The following AHI1 variants were observed in gnomAD, a reference collection of about 807,000 sequenced individuals.
AHI1 encodes the protein Abelson helper integration site 1.
AHI1 carries 123 observed loss-of-function variants against 149.3 expected under a neutral mutation model. The observed-to-expected ratio is 0.82, with a 90% CI of 0.71 to 0.96. The LOEUF is 0.96. AHI1 is among the 40% of genes least tolerant of loss of function. The probability of loss-of-function intolerance (pLI) is 0.00; values close to 1 mark genes in which losing one functional copy is unlikely to be tolerated. For missense variants in AHI1, 1,439 were observed against 1,422.7 expected (o/e 1.01, Z -0.18); for synonymous variants, 475 against 459.8 (o/e 1.03, Z -0.42).
At position 135,431,216 on chromosome 6, in the gene AHI1, T is replaced by C; in HGVS notation, c.2365A>G (p.Ile789Val). Residue 789 changes from isoleucine to valine, a missense_variant, in exon 17 of 29, where the codon ATA becomes GTA. Coordinates refer to ENST00000265602, the MANE Select transcript of AHI1 (RefSeq NM_001134831.2). ...DLEHSVHHWT[I>V]NKEIKETEFK... is the part of the protein sequence containing the mutation. The stretch of plus-strand genomic sequence containing the variant: ...AAAATATGATTTTATACCTTATTTA[T>C]AGTCCAGTGGTGCACTGAATGTTCC... The C allele has an allele frequency of 1.3e-6, 2 of 1,580,996 alleles. No homozygotes were observed. Among genetic ancestry groups the C allele is most frequent in the Non-Finnish European group, 1.7e-6 (2 of 1,157,652 alleles).
intron 27 of AHI1, among the ~76,000 whole-genome samples, chr6:135,298,879 A>C (rs541317281): frequency 1.3e-5 from 2 of 152,102 alleles, no homozygotes; most frequent in Non-Finnish European, 2.9e-5. Flanking sequence ...TATGTAGGAG[A>C]CATTTTTTCA....
At chr6:135,425,901 T>C (rs1247619033) in intron 20 of AHI1, among the ~76,000 whole-genome samples, 1 of 151,862 alleles carries the variant, frequency 6.6e-6, no homozygotes, top group African/African-American at 2.4e-5. Context: ...TGTGTATGTG[T>C]AGTGAAAATT....
chr6:135,343,862 A>T (rs2128415673), intron 24 of AHI1, among the ~76,000 whole-genome samples: 1 of 152,160 alleles, frequency 6.6e-6, no homozygotes, highest in South Asian at 2.1e-4. Context: ...ATAACATCAT[A>T]GGTATAAGTG....
intron 13 of AHI1, among the ~76,000 whole-genome samples, chr6:135,443,236 T>G (rs1454146468): frequency 6.6e-6 from 1 of 152,174 alleles, no homozygotes; most frequent in Admixed American, 6.5e-5. Context: ...CCCTTATTGG[T>G]CTCTCATTCA....
intron 24 of AHI1, among the ~76,000 whole-genome samples, chr6:135,345,233 G>A (rs757473536): frequency 3.3e-5 from 5 of 152,196 alleles, no homozygotes; most frequent in Non-Finnish European, 7.4e-5. Context: ...TGATCGTAAA[G>A]TGGTTCAGTT....
chr6:135,470,722 G>A (rs564064198), intron 5 of AHI1, among the ~76,000 whole-genome samples: 19 of 152,104 alleles, frequency 1.2e-4, no homozygotes, highest in Non-Finnish European at 2.2e-4. Context: ...TCACTTGTAC[G>A]TGGGAGCTGA....
chr6:135,347,667 A>G (rs931288238), intron 24 of AHI1, among the ~76,000 whole-genome samples: 31 of 152,212 alleles, frequency 2.0e-4, no homozygotes, highest in Admixed American at 2.0e-3. Context: ...TTATTATTCA[A>G]TTCCTGAAGT....
At chr6:135,339,824 A>G (rs1387654460) in intron 24 of AHI1, among the ~76,000 whole-genome samples, 1 of 152,228 alleles carries the variant, frequency 6.6e-6, no homozygotes, top group African/African-American at 2.4e-5. Context: ...AATCAACTCC[A>G]AGTAGAATAG....
intron 5 of AHI1, among the ~76,000 whole-genome samples, chr6:135,481,230 C>T (rs889910801): frequency 1.3e-5 from 2 of 152,156 alleles, no homozygotes; most frequent in African/African-American, 2.4e-5. Context: ...CCTTAAAACC[C>T]GTAAGAAATA....
intron 10 of AHI1, 82 bp from the exon 11 acceptor site, chr6:135,453,518 T>C: frequency 1.0e-6 from 1 of 980,606 alleles, no homozygotes; most frequent in Non-Finnish European, 1.5e-6. Flanking sequence ...TAAAAAATCA[T>C]TTGTATAGTG....
chr6:135,424,647 A>G (rs1210892442), intron 20 of AHI1, among the ~76,000 whole-genome samples: 1 of 152,026 alleles, frequency 6.6e-6, no homozygotes, highest in Non-Finnish European at 1.5e-5. Context: ...CCAAAAGACC[A>G]CAACCTGAAC....
At chr6:135,484,087 TGGCAGAC>T (rs1794127026) in intron 5 of AHI1, among the ~76,000 whole-genome samples, 1 of 152,198 alleles carries the variant, frequency 6.6e-6, no homozygotes, top group African/African-American at 2.4e-5. Context: ...ACATGGATGG[TGGCAGAC>T]AAAGAGAGAG....
At chr6:135,447,194 C>T in intron 12 of AHI1, 34 bp from the exon 13 acceptor site, 4 of 1,367,762 alleles carry the variant, frequency 2.9e-6, no homozygotes, top group Middle Eastern at 3.8e-4. Context: ...AATTTATATA[C>T]CATGTTCACC....
chr6:135,329,695 G>A (rs1464107692), intron 24 of AHI1, among the ~76,000 whole-genome samples: 1 of 152,196 alleles, frequency 6.6e-6, no homozygotes, highest in Non-Finnish European at 1.5e-5. Flanking sequence ...TTTAAGAAAT[G>A]TATTTCTTAA....
intron 24 of AHI1, among the ~76,000 whole-genome samples, chr6:135,342,240 G>A (rs1790486970): frequency 1.3e-5 from 2 of 151,818 alleles, no homozygotes; most frequent in Admixed American, 6.6e-5. Context: ...ACTTAAAACT[G>A]ACTGAAGAAG....
At chr6:135,287,138 G>C (rs569507790) in intron 28 of AHI1, among the ~76,000 whole-genome samples, 3 of 152,196 alleles carry the variant, frequency 2.0e-5, no homozygotes, top group African/African-American at 7.2e-5. Context: ...AAGGGAAGGG[G>C]GAGAAGGGGA....
intron 5 of AHI1, among the ~76,000 whole-genome samples, chr6:135,482,894 C>CT (rs761997683): frequency 0.082 from 4,573 of 55,726 alleles, 1,298 homozygotes; most frequent in East Asian, 0.16. Context: ...CCATTTAAGG[C>CT]TTTTTTTTTT....
intron 23 of AHI1, among the ~76,000 whole-genome samples, chr6:135,362,208 GT>G (rs764727141): frequency 2.8e-4 from 43 of 152,032 alleles, no homozygotes; most frequent in African/African-American, 4.8e-5. Context: ...ATTTGGGATG[GT>G]TCCGTATTTT....
chr6:135,371,993 C>A (rs1206962657), intron 23 of AHI1, among the ~76,000 whole-genome samples: 3 of 152,148 alleles, frequency 2.0e-5, no homozygotes, highest in Admixed American at 6.5e-5. Flanking sequence ...GTTTGTAGTA[C>A]AATAAGGGCC....
Sources: allele counts gnomAD v4.1 joint callset (sites outside exome capture counted in the v4.1 genomes callset), GRCh38; gene constraint gnomAD v4.1.1; transcripts MANE v1.5; gene names NCBI Gene and HGNC (gene_info 2026-07-23, HGNC 2026-07-21).